Variants in USP7 observed in about 807,000 individuals in gnomAD.
USP7 encodes ubiquitin specific peptidase 7, also known as ubiquitin C-terminal hydrolase 7.
In USP7, 9 loss-of-function variants were observed where a neutral mutation model predicts 162.9. The ratio of observed to expected loss-of-function variants is 0.06; its 90% CI spans 0.03 to 0.10. USP7 has a LOEUF of 0.10. USP7 is among the 10% of genes least tolerant of loss of function. The pLI is 1.00. For missense variants in USP7, 715 were observed against 1,373.7 expected, an observed-to-expected ratio of 0.52 and a Z score of 7.58; for synonymous variants, 562 against 475.9, an observed-to-expected ratio of 1.18 and a Z score of -2.35.
rs2061861776 is a variant in USP7, at chr16:8,906,432, A to G, written c.1422T>C (p.Asp474=). 2.5e-6 allele frequency: 4 copies of G among 1,611,418 alleles called. No individual in the cohort carries two copies. Among genetic ancestry groups the G allele is most frequent in the South Asian group, 1.1e-5 (1 of 90,908 alleles). ...HYVVYLNPKG[D]GKWCKFDDDV... ...CCTGGGTCCCACCACTTACTTTGCC[A>G]TCCCCTTTGGGGTTTAGATAAACCA... The change falls in exon 13 of 31, where the codon GAT becomes GAC. Residue 474 remains aspartate (D), a synonymous_variant. Transcript: ENST00000344836.
Position 8,923,431 on chromosome 16 carries a change from C to T in USP7, c.185-18G>A, listed in dbSNP as rs776804543. On this transcript the variant is annotated intron_variant, in intron 2 of 30. Coordinates refer to ENST00000344836, the MANE Select transcript of USP7 (RefSeq NM_003470.3). ...ACTGGTGTCTGCAAAAAAAACACAT[C>T]ATCAGTCACAGAGCCTGTGCATTGA... 7 of 1,613,342 alleles carry T rather than the reference C, an allele frequency of 4.3e-6. No individual in the cohort carries two copies. In the South Asian group the frequency reaches 7.7e-5, roughly 18 times the overall value.
chr16:8,939,960 T>C (rs1047706044), intron 1 of USP7, among the ~76,000 whole-genome samples: 1 of 152,158 alleles, frequency 6.6e-6, no homozygotes, highest in Non-Finnish European at 1.5e-5. Context: ...TAGCCAAGCA[T>C]GGTGGCACAT....
intron 1 of USP7, among the ~76,000 whole-genome samples, chr16:8,961,027 C>T (rs1283820769): frequency 6.6e-6 from 1 of 152,200 alleles, no homozygotes; most frequent in Admixed American, 6.5e-5. Context: ...AAACCTCTGC[C>T]ATCCAATTTG....
intron 1 of USP7, among the ~76,000 whole-genome samples, chr16:8,939,107 A>C (rs8059146): frequency 6.6e-6 from 1 of 151,878 alleles, no homozygotes; most frequent in African/African-American, 2.4e-5. Context: ...CCCAATGAAG[A>C]TTTCTCCACA....
intron 21 of USP7, 24 bp downstream of exon 21, chr16:8,900,506 T>G: frequency 6.5e-7 from 1 of 1,534,000 alleles, no homozygotes; most frequent in Non-Finnish European, 8.9e-7. Flanking sequence ...TACAAAGTGA[T>G]ACAATCCTTC....
intron 1 of USP7, among the ~76,000 whole-genome samples, chr16:8,957,004 G>GT (rs997545170): frequency 3.3e-5 from 5 of 152,128 alleles, no homozygotes; most frequent in Non-Finnish European, 7.3e-5. Context: ...GCCAGCCTCT[G>GT]TCTCAGGAGT....
At chr16:8,915,582 G>C in intron 8 of USP7, 57 bp from the exon 9 acceptor site, 2 of 1,415,640 alleles carry the variant, frequency 1.4e-6, no homozygotes, top group Non-Finnish European at 2.0e-6. Flanking sequence ...AATATATACA[G>C]TAATTTTATA....
rs1469153811 is a variant in USP7, at chr16:8,893,190, T to G, written c.*808A>C. On this transcript the variant is annotated 3_prime_UTR_variant, in exon 31 of 31. Transcript: ENST00000344836. Reference sequence around the variant, plus strand: ...ACCACTAGTGAGCATGCCCTCTTGCTAAAAGGCTTTCTTGTCGTCTGTTCC... The same window carrying G: ...ACCACTAGTGAGCATGCCCTCTTGCGAAAAGGCTTTCTTGTCGTCTGTTCC... 6.6e-6 allele frequency: 1 copy of G among 152,256 alleles called. No homozygotes were observed. The highest frequency in any genetic ancestry group is 2.4e-5 in the African/African-American group (1 of 41,466). The allele number at this position is 152,256 out of a possible 1,614,324, so 9.4% of individuals were successfully genotyped here.
chr16:8,928,002 C>T (rs1435256605), intron 2 of USP7, among the ~76,000 whole-genome samples: 4 of 152,272 alleles, frequency 2.6e-5, no homozygotes, highest in Admixed American at 2.0e-4. Context: ...CCACACATGG[C>T]GGTACTTCCT....
chr16:8,952,832 C>T (rs1299969033), intron 1 of USP7, among the ~76,000 whole-genome samples: 2 of 151,470 alleles, frequency 1.3e-5, no homozygotes, highest in African/African-American at 4.8e-5. Flanking sequence ...CCTGTGACCA[C>T]ACTCGCTTTT....
intron 13 of USP7, among the ~76,000 whole-genome samples, chr16:8,906,158 G>A (rs552358160): frequency 3.7e-4 from 56 of 152,358 alleles, no homozygotes; most frequent in African/African-American, 1.3e-3. Context: ...GCATTCAGAA[G>A]AAAATATAAG....
chr16:8,947,119 G>T (rs1007035493), intron 1 of USP7, among the ~76,000 whole-genome samples: 3 of 152,018 alleles, frequency 2.0e-5, no homozygotes, highest in Non-Finnish European at 2.9e-5. Context: ...TGTAAGATTG[G>T]TTTTTTCATA....
intron 1 of USP7, among the ~76,000 whole-genome samples, chr16:8,957,691 A>T (rs1473249249): frequency 6.6e-6 from 1 of 152,022 alleles, no homozygotes; most frequent in Non-Finnish European, 1.5e-5. Flanking sequence ...CCGGAAGTTT[A>T]AGGCTGCAGT....
At chr16:8,930,979 A>AC (rs1387241949) in intron 1 of USP7, among the ~76,000 whole-genome samples, 3 of 151,772 alleles carry the variant, frequency 2.0e-5, no homozygotes, top group Non-Finnish European at 4.4e-5. Context: ...AAATTAAAAA[A>AC]AAAAAAAAAA....
intron 25 of USP7, 122 bp downstream of exon 25, chr16:8,898,238 C>G: frequency 1.2e-6 from 1 of 851,652 alleles, no homozygotes; most frequent in Non-Finnish European, 1.8e-6. Flanking sequence ...CCCCAGCCCC[C>G]ATCATGTGCT....
chr16:8,902,922 A>G (rs565635503), intron 16 of USP7, among the ~76,000 whole-genome samples: 2 of 152,348 alleles, frequency 1.3e-5, no homozygotes, highest in Admixed American at 1.3e-4. Context: ...AAGAATTCTA[A>G]TTCTTCCCCG....
chr16:8,917,333 C>T (rs1050636264), intron 6 of USP7, among the ~76,000 whole-genome samples, 177 bp from the exon 7 acceptor site: 1 of 152,146 alleles, frequency 6.6e-6, no homozygotes, highest in Admixed American at 6.5e-5. Context: ...AAATCATGAA[C>T]GTCTTTAGGG....
rs368613298 is a variant in USP7 at position 8,896,963 on chromosome 16, A to G, written c.2819+36T>C. 103 of 1,543,770 alleles carry G rather than the reference A, an allele frequency of 6.7e-5. No individual in the cohort carries two copies. In the African/African-American group the frequency reaches 1.3e-3, roughly 19 times the overall value. On this transcript the variant is annotated intron_variant, in intron 26 of 30. Transcript: ENST00000344836. ...AGGTCAGCGTTAACTGCCACCCCTA[A>G]CTGAACGTCCACAATTGGGCTCAAG...
intron 1 of USP7, chr16:8,962,961 C>T: frequency 4.6e-6 from 1 of 218,324 alleles, no homozygotes; most frequent in East Asian, 9.5e-5. Flanking sequence ...CGCTTTGTGC[C>T]GCGGAGGCCC....
Sources: gnomAD v4.1 joint callset for allele counts (sites outside exome capture counted in the v4.1 genomes callset) on GRCh38, gnomAD v4.1.1 for gene constraint, MANE v1.5 for transcripts, NCBI Gene and HGNC (gene_info 2026-07-23, HGNC 2026-07-21) for gene names.